RALYL: variants seen among roughly 807,000 people sequenced by gnomAD.
The protein encoded by RALYL is RNA-binding Raly-like protein.
In RALYL, 29 loss-of-function variants were observed where a neutral mutation model predicts 35.1. The observed-to-expected ratio is 0.83, with a 90% CI of 0.61 to 1.13. The LOEUF (loss-of-function observed/expected upper bound fraction) is 1.13. Ranked by LOEUF, RALYL falls within the 50% of genes most tolerant of loss-of-function variation. The probability of loss-of-function intolerance (pLI) is 0.00; values close to 1 mark genes in which losing one functional copy is unlikely to be tolerated. For synonymous variants in RALYL, 120 were observed against 127.6 expected (o/e 0.94, Z 0.40); for missense variants, 359 against 360.4 (o/e 1.00, Z 0.03).
chr8:84,907,950 T>C (rs1846815403), intron 8 of RALYL, among the ~76,000 whole-genome samples: 1 of 152,060 alleles, frequency 6.6e-6, no homozygotes, highest in Non-Finnish European at 1.5e-5. Context: ...CTTTCTCCCA[T>C]TAAAAAGAAT....
chr8:84,266,873 T>G (rs888634225), intron 1 of RALYL, among the ~76,000 whole-genome samples: 3 of 143,104 alleles, frequency 2.1e-5, no homozygotes, highest in African/African-American at 7.9e-5. Flanking sequence ...GGCAGGAGAA[T>G]GGCGTGAACC....
At chr8:84,302,864 C>G (rs1319853919) in intron 1 of RALYL, among the ~76,000 whole-genome samples, 1 of 152,104 alleles carries the variant, frequency 6.6e-6, no homozygotes, top group Non-Finnish European at 1.5e-5. Context: ...TATTTCTGCT[C>G]TGGCAGAGTA....
At chr8:84,243,288 C>T (rs1341976150) in intron 1 of RALYL, among the ~76,000 whole-genome samples, 2 of 151,906 alleles carry the variant, frequency 1.3e-5, no homozygotes, top group Non-Finnish European at 2.9e-5. Context: ...GTTGTTGTTT[C>T]TTATGATTGA....
At chr8:84,791,960 G>A (rs35468430) in intron 3 of RALYL, among the ~76,000 whole-genome samples, 4,727 of 152,238 alleles carry the variant, frequency 0.031, 105 homozygotes, top group Non-Finnish European at 0.048. Context: ...TTCAGCCACC[G>A]TATGTGTGCA....
chr8:84,632,553 T>G (rs1824141510), intron 2 of RALYL, among the ~76,000 whole-genome samples: 1 of 151,396 alleles, frequency 6.6e-6, no homozygotes, highest in Admixed American at 6.6e-5. Flanking sequence ...AGTTGTCAAT[T>G]GAGATATTTG....
chr8:84,699,005 C>CATAGATAGATAG (rs3068019), intron 2 of RALYL, among the ~76,000 whole-genome samples: 4,794 of 144,238 alleles, frequency 0.033, 83 homozygotes, highest in African/African-American at 0.036. Flanking sequence ...TAGGTAGGTA[C>CATAGATAGATAG]ATAGATAGAT....
At chr8:84,589,798 A>T (rs1812822171) in intron 2 of RALYL, among the ~76,000 whole-genome samples, 1 of 152,226 alleles carries the variant, frequency 6.6e-6, no homozygotes, top group South Asian at 2.1e-4. Flanking sequence ...AAACATATGA[A>T]TGTGAAATAA....
intron 2 of RALYL, among the ~76,000 whole-genome samples, chr8:84,663,055 C>G (rs1299000167): frequency 2.0e-5 from 3 of 152,092 alleles, no homozygotes; most frequent in African/African-American, 7.2e-5. Flanking sequence ...CATTGTACAG[C>G]TCCCACTAAT....
At chr8:84,267,127 A>G (rs28722870) in intron 1 of RALYL, among the ~76,000 whole-genome samples, 7,991 of 152,224 alleles carry the variant, frequency 0.052, 229 homozygotes, top group Middle Eastern at 0.082. Context: ...TTAACAGGAA[A>G]GGGCAGAGTG....
intron 1 of RALYL, among the ~76,000 whole-genome samples, chr8:84,254,624 G>A (rs1161571055): frequency 6.6e-6 from 1 of 151,726 alleles, no homozygotes; most frequent in African/African-American, 2.4e-5. Flanking sequence ...AAATTAATAT[G>A]TGGGAATGCC....
At chr8:84,495,243 A>G (rs1463057100) in intron 1 of RALYL, among the ~76,000 whole-genome samples, 1 of 152,104 alleles carries the variant, frequency 6.6e-6, no homozygotes, top group Non-Finnish European at 1.5e-5. Context: ...TTCTTTTGAA[A>G]AATAATCACC....
chr8:84,884,111 T>A (rs888710933), intron 7 of RALYL, among the ~76,000 whole-genome samples: 1 of 152,048 alleles, frequency 6.6e-6, no homozygotes, highest in Non-Finnish European at 1.5e-5. Context: ...CACATCAAAA[T>A]GTTTTGATAA....
At chr8:84,191,592 A>T (rs115132707) in intron 1 of RALYL, among the ~76,000 whole-genome samples, 3,136 of 152,260 alleles carry the variant, frequency 0.021, 119 homozygotes, top group African/African-American at 0.072. Flanking sequence ...TCACTGCAGA[A>T]AGTAAGGAAA....
chr8:84,711,195 A>G (rs2132471815), intron 2 of RALYL, among the ~76,000 whole-genome samples: 1 of 152,274 alleles, frequency 6.6e-6, no homozygotes, highest in African/African-American at 2.4e-5. Flanking sequence ...AGATGAGGTC[A>G]AAAAAGCATG....
chr8:84,405,482 A>G (rs527250169), intron 1 of RALYL, among the ~76,000 whole-genome samples: 1 of 152,300 alleles, frequency 6.6e-6, no homozygotes, highest in East Asian at 1.9e-4. Flanking sequence ...AAAGAAGAAA[A>G]GAGAGAAGAA....
At chr8:84,830,583 G>A (rs1228967719) in intron 4 of RALYL, among the ~76,000 whole-genome samples, 1 of 152,012 alleles carries the variant, frequency 6.6e-6, no homozygotes, top group Non-Finnish European at 1.5e-5. Context: ...GTACAAGAAG[G>A]AAATATAATC....
chr8:84,198,546 G>A (rs749156938), intron 1 of RALYL, among the ~76,000 whole-genome samples: 2 of 152,024 alleles, frequency 1.3e-5, no homozygotes, highest in Admixed American at 1.3e-4. Context: ...ATTTAAACAT[G>A]TGCAATTAAA....
intron 3 of RALYL, among the ~76,000 whole-genome samples, chr8:84,788,923 T>C (rs578205997): frequency 4.2e-4 from 64 of 152,338 alleles, no homozygotes; most frequent in Middle Eastern, 3.4e-3. Flanking sequence ...AAGGCAGTTC[T>C]TATGACTGCA....
intron 2 of RALYL, among the ~76,000 whole-genome samples, chr8:84,733,838 A>G (rs1248621204): frequency 1.3e-5 from 2 of 152,316 alleles, no homozygotes; most frequent in East Asian, 3.9e-4. Context: ...CTGACCCATC[A>G]CTATCAGCCA....
Sources: allele counts gnomAD v4.1 joint callset (sites outside exome capture counted in the v4.1 genomes callset), GRCh38; gene constraint gnomAD v4.1.1; transcripts MANE v1.5; gene names NCBI Gene and HGNC (gene_info 2026-07-23, HGNC 2026-07-21).